Variants in RBFOX1 observed in about 807,000 individuals in gnomAD.
The protein encoded by RBFOX1 is RNA binding protein fox-1 homolog 1.
RBFOX1 carries 8 observed loss-of-function variants against 57.7 expected under a neutral mutation model. The observed-to-expected ratio is 0.14, with a 90% CI of 0.08 to 0.25. The LOEUF (loss-of-function observed/expected upper bound fraction) is 0.25, where lower values mean the gene tolerates loss of function less well. RBFOX1 is among the 10% of genes least tolerant of loss of function. The pLI, the probability that RBFOX1 is intolerant of heterozygous loss-of-function variation, is 1.00. For synonymous variants in RBFOX1, 326 were observed against 222.4 expected (o/e 1.47, Z -4.15); for missense variants, 611 against 548.5 (o/e 1.11, Z -1.14).
In RBFOX1 at chr16:6,882,065, C is replaced by G. The variant is rs529935488; in HGVS notation, c.-15-169992C>G. Among the ~76,000 whole-genome samples the G allele has an allele frequency of 2.6e-5, 4 of 152,254 alleles. No individual in the cohort carries two copies. The South Asian group carries it at 8.3e-4, about 32-fold the overall frequency. On this transcript the variant is annotated intron_variant, in intron 3 of 15. Coordinates refer to ENST00000550418, the MANE Select transcript of RBFOX1 (RefSeq NM_018723.4). ...AAAAATGGTGATGTCAGTCTTCCTGCTTAATATTTCAGTGGCCCCCTATTC... is the reference window on the plus strand; with the variant it reads ...AAAAATGGTGATGTCAGTCTTCCTGGTTAATATTTCAGTGGCCCCCTATTC...
intron 3 of RBFOX1, among the ~76,000 whole-genome samples, chr16:7,033,244 G>T (rs568859540): frequency 3.3e-5 from 5 of 152,214 alleles, no homozygotes; most frequent in African/African-American, 1.2e-4. Flanking sequence ...AACAGGACGG[G>T]CACAGTGGGT....
chr16:5,884,418 C>A (rs1380937670), intron 4 of RBFOX1, among the ~76,000 whole-genome samples: 1 of 151,878 alleles, frequency 6.6e-6, no homozygotes, highest in Non-Finnish European at 1.5e-5. Flanking sequence ...AGCTCTGAGT[C>A]CACCAAAATC....
chr16:5,388,136 G>A (rs1401799256), intron 1 of RBFOX1, among the ~76,000 whole-genome samples: 1 of 152,198 alleles, frequency 6.6e-6, no homozygotes, highest in Non-Finnish European at 1.5e-5. Flanking sequence ...CTCCAGAAAT[G>A]TAAGATAGTA....
At chr16:7,684,340 A>G (rs922389734) in intron 14 of RBFOX1, among the ~76,000 whole-genome samples, 2 of 152,070 alleles carry the variant, frequency 1.3e-5, no homozygotes, top group African/African-American at 4.8e-5. Flanking sequence ...CCACTATTGG[A>G]ATTTGAGGGG....
At chr16:5,706,593 C>G (rs562731519) in intron 3 of RBFOX1, among the ~76,000 whole-genome samples, 3 of 152,284 alleles carry the variant, frequency 2.0e-5, no homozygotes, top group Non-Finnish European at 2.9e-5. Flanking sequence ...GAATGTTTGG[C>G]TTTTAATAAT....
chr16:5,951,635 C>T (rs1158318383), intron 4 of RBFOX1, among the ~76,000 whole-genome samples: 2 of 152,088 alleles, frequency 1.3e-5, no homozygotes, highest in African/African-American at 4.8e-5. Flanking sequence ...CCCCACACCA[C>T]TTATCAGCAG....
At chr16:7,052,209 G>A in intron 4 of RBFOX1, 111 bp downstream of exon 4, 1 of 1,435,928 alleles carries the variant, frequency 7.0e-7, no homozygotes, top group Non-Finnish European at 9.2e-7. Flanking sequence ...TTCATCTTAA[G>A]ACTGGTAGAG....
intron 3 of RBFOX1, among the ~76,000 whole-genome samples, chr16:5,646,276 C>T (rs529575242): frequency 6.6e-5 from 10 of 151,434 alleles, no homozygotes; most frequent in East Asian, 3.9e-4. Context: ...CCGCCTTCCT[C>T]GGCCTCCCAA....
intron 3 of RBFOX1, among the ~76,000 whole-genome samples, chr16:6,737,597 G>T (rs1458263503): frequency 6.6e-6 from 1 of 152,168 alleles, no homozygotes; most frequent in Non-Finnish European, 1.5e-5. Flanking sequence ...TCTCGCCCGA[G>T]GCTCATTTGA....
intron 2 of RBFOX1, among the ~76,000 whole-genome samples, chr16:6,369,646 TA>T (rs1453030145): frequency 6.6e-6 from 1 of 152,208 alleles, no homozygotes; most frequent in African/African-American, 2.4e-5. Flanking sequence ...TTATAAGTTT[TA>T]ATTACCCTCC....
At chr16:7,247,135 G>A (rs1475757565) in intron 4 of RBFOX1, among the ~76,000 whole-genome samples, 3 of 152,152 alleles carry the variant, frequency 2.0e-5, no homozygotes, top group Non-Finnish European at 4.4e-5. Context: ...AGGAGGCTCA[G>A]CTTTGGAGGG....
At chr16:7,443,448 CT>C (rs1389297999) in intron 4 of RBFOX1, among the ~76,000 whole-genome samples, 1 of 151,604 alleles carries the variant, frequency 6.6e-6, no homozygotes, top group African/African-American at 2.4e-5. Context: ...TCTTTGCCCC[CT>C]CCCCCTCTCT....
rs145180936 is a variant in RBFOX1 at position 7,357,421 on chromosome 16, G to T, written c.28-160726G>T. 5.8e-3 allele frequency among the ~76,000 whole-genome samples: 886 copies of T among 152,228 alleles called. 9 individuals carry two copies. The highest frequency in any genetic ancestry group is 0.02 in the African/African-American group (826 of 41,522). On this transcript the variant is annotated intron_variant, in intron 4 of 15. Coordinates refer to ENST00000550418, the MANE Select transcript of RBFOX1 (RefSeq NM_018723.4). Reference sequence around the variant, plus strand: ...TAACAGAGAGCAGAGTGGTGGTGAGGTGCATGAATTGCAGTGGAACCATCC... The same window carrying T: ...TAACAGAGAGCAGAGTGGTGGTGAGTTGCATGAATTGCAGTGGAACCATCC...
chr16:5,352,438 T>C (rs576939874), intron 1 of RBFOX1, among the ~76,000 whole-genome samples: 1 of 152,316 alleles, frequency 6.6e-6, no homozygotes, highest in African/African-American at 2.4e-5. Context: ...TATCTACCCT[T>C]CACCGGTTGT....
intron 4 of RBFOX1, among the ~76,000 whole-genome samples, chr16:7,301,872 G>A (rs1322284762): frequency 6.6e-6 from 1 of 152,138 alleles, no homozygotes. Flanking sequence ...TTCCATTCGT[G>A]TTCTGTGGAG....
In RBFOX1 at chr16:5,657,712, CTCTT is replaced by C. The variant is rs1205888053; in HGVS notation, c.318+58757_318+58760del. On this transcript the variant is annotated intron_variant, in intron 3 of 19. Transcript: ENST00000641259. ...TCTTTCTTTCTCCTTCTGTCTTTCTCTCTTTCTTTTGTTTCTTTTCTTTTCTTTT... is the reference window on the plus strand; with the variant it reads ...TCTTTCTTTCTCCTTCTGTCTTTCTCTCTTTTGTTTCTTTTCTTTTCTTTT... Among the ~76,000 whole-genome samples the C allele has an allele frequency of 4.7e-4, 58 of 122,688 alleles. 1 individual carries two copies. Among genetic ancestry groups the C allele is most frequent in the African/African-American group, 1.6e-3 (53 of 33,152 alleles). 80.5% of individuals were successfully genotyped at this position (122,688 alleles called of 152,430 possible). A position where few individuals can be genotyped will look rare whatever the true frequency, so the allele number is the denominator to read the frequency against.
chr16:7,114,934 C>A (rs879656201), intron 4 of RBFOX1, among the ~76,000 whole-genome samples: 1 of 152,142 alleles, frequency 6.6e-6, no homozygotes, highest in Non-Finnish European at 1.5e-5. Context: ...GGTAAGATCA[C>A]TTAGCTGTGA....
rs112141328 is a variant in RBFOX1 at position 5,779,618 on chromosome 16, C to G, written c.319-87685C>G. Among the ~76,000 whole-genome samples, 654 of 152,226 alleles carry G rather than the reference C, an allele frequency of 4.3e-3. 10 individuals carry two copies. Among genetic ancestry groups the G allele is most frequent in the African/African-American group, 0.015 (609 of 41,538 alleles). On this transcript the variant is annotated intron_variant, in intron 3 of 19. Coordinates refer to the RBFOX1 transcript ENST00000641259. The stretch of plus-strand genomic sequence containing the variant: ...TTGTGAATGTTGGTGAGCTAAGTAG[C>G]CTTCCCTCTTCATTCTCCTGGGCTC...
At chr16:7,194,979 C>T (rs1022614043) in intron 4 of RBFOX1, among the ~76,000 whole-genome samples, 1 of 150,076 alleles carries the variant, frequency 6.7e-6, no homozygotes, top group Non-Finnish European at 1.5e-5. Flanking sequence ...TAACACCTTT[C>T]AATATTTTAT....
Sources: gnomAD v4.1 joint callset for allele counts (sites outside exome capture counted in the v4.1 genomes callset) on GRCh38, gnomAD v4.1.1 for gene constraint, MANE v1.5 for transcripts, NCBI Gene and HGNC (gene_info 2026-07-23, HGNC 2026-07-21) for gene names.